Variants in ZNF277 observed in about 807,000 individuals in gnomAD.
The protein encoded by ZNF277 is nuclear receptor-interacting factor 4.
ZNF277 carries 55 observed loss-of-function variants against 60.7 expected under a neutral mutation model. The observed-to-expected ratio is 0.91, with a 90% confidence interval of 0.73 to 1.13. The LOEUF is 1.13. Ranked by LOEUF, ZNF277 falls within the 50% of genes most tolerant of loss-of-function variation. The pLI is 0.00. For synonymous variants in ZNF277, 178 were observed against 179.3 expected, an observed-to-expected ratio of 0.99 and a Z score of 0.06; for missense variants, 510 against 523.0, an observed-to-expected ratio of 0.98 and a Z score of 0.24.
chr7:112,297,190 G>A (rs1388429306), intron 4 of ZNF277, among the ~76,000 whole-genome samples: 1 of 151,660 alleles, frequency 6.6e-6, no homozygotes, highest in Non-Finnish European at 1.5e-5. Flanking sequence ...GTCTCCCAAA[G>A]TGCTGAGATT....
intron 2 of ZNF277, among the ~76,000 whole-genome samples, chr7:112,293,082 T>A (rs1191196427): frequency 6.6e-6 from 1 of 152,212 alleles, no homozygotes; most frequent in Non-Finnish European, 1.5e-5. Context: ...AAACTGAGTT[T>A]CAGAAAGATT....
At position 112,226,869 on chromosome 7, in the gene ZNF277, C is replaced by CT. The variant is rs368892571; in HGVS notation, c.91+20071dup. The stretch of plus-strand genomic sequence containing the variant: ...ATATAGAGGAATTTTTTAGTGAAAG[C>CT]TTTTTTTTTAGACAGCTTCAAAATG... On this transcript the variant is annotated intron_variant, in intron 1 of 11. Coordinates refer to ENST00000361822, the MANE Select transcript of ZNF277 (RefSeq NM_021994.3). 2.7e-4 allele frequency among the ~76,000 whole-genome samples: 40 copies of CT among 150,592 alleles called. 1 individual carries two copies. In the South Asian group the frequency reaches 4.9e-3, roughly 18 times the overall value.
At chr7:112,330,518 A>G (rs1350477013) in intron 7 of ZNF277, 5 of 278,518 alleles carry the variant, frequency 1.8e-5, no homozygotes, top group Non-Finnish European at 3.2e-5. Context: ...TTTATGTAAT[A>G]TCTTTTAACT....
At chr7:112,275,223 T>C (rs1278542347) in intron 1 of ZNF277, among the ~76,000 whole-genome samples, 1 of 152,220 alleles carries the variant, frequency 6.6e-6, no homozygotes, top group East Asian at 1.9e-4. Flanking sequence ...TTCCTATTAG[T>C]ATCTGCCTCT....
chr7:112,307,213 G>A (rs1334119038), intron 4 of ZNF277, among the ~76,000 whole-genome samples: 1 of 151,968 alleles, frequency 6.6e-6, no homozygotes, highest in African/African-American at 2.4e-5. Context: ...GGGGGGAGTT[G>A]GACCCCTTGT....
At chr7:112,283,809 T>C (rs1327033170) in intron 1 of ZNF277, among the ~76,000 whole-genome samples, 1 of 152,194 alleles carries the variant, frequency 6.6e-6, no homozygotes, top group Non-Finnish European at 1.5e-5. Flanking sequence ...TGAACTGTAC[T>C]CTAGTGATTT....
chr7:112,248,680 A>G (rs1398388800), intron 1 of ZNF277, among the ~76,000 whole-genome samples: 1 of 151,926 alleles, frequency 6.6e-6, no homozygotes, highest in East Asian at 1.9e-4. Flanking sequence ...TGATGTTTAT[A>G]TGTGTATATA....
intron 4 of ZNF277, among the ~76,000 whole-genome samples, chr7:112,301,562 A>G (rs956403010): frequency 7.9e-5 from 12 of 152,194 alleles, no homozygotes; most frequent in African/African-American, 2.7e-4. Context: ...TTTATCAAGT[A>G]TGTTAGGTAC....
intron 1 of ZNF277, among the ~76,000 whole-genome samples, chr7:112,247,135 G>A (rs1227252088): frequency 1.3e-5 from 2 of 152,158 alleles, no homozygotes; most frequent in African/African-American, 4.8e-5. Flanking sequence ...AAACAACTTT[G>A]TATCAGTCCA....
chr7:112,245,687 G>C (rs1275147361), intron 1 of ZNF277, among the ~76,000 whole-genome samples: 1 of 152,126 alleles, frequency 6.6e-6, no homozygotes, highest in Non-Finnish European at 1.5e-5. Context: ...AACCTCTGCT[G>C]TCACCTTTAC....
At position 112,209,085 on chromosome 7, in the gene ZNF277, T is replaced by C. The variant is rs148734842; in HGVS notation, c.91+2278T>C. On this transcript the variant is annotated intron_variant, in intron 1 of 11. Transcript: ENST00000361822. ...TATCATAGAAACCCTTCCACGTCAG[T>C]ACATTTGTTTCCTTTTTTTTTAAGG... Among the ~76,000 whole-genome samples, 13 of 152,306 alleles carry C rather than the reference T, an allele frequency of 8.5e-5. No individual in the cohort carries two copies. In the East Asian group the frequency reaches 2.3e-3, roughly 27 times the overall value.
intron 4 of ZNF277, among the ~76,000 whole-genome samples, chr7:112,304,368 T>A (rs1207865976): frequency 6.6e-6 from 1 of 152,168 alleles, no homozygotes; most frequent in African/African-American, 2.4e-5. Context: ...TTCCCAATGC[T>A]GTTCAGTGAC....
At chr7:112,257,257 T>C (rs1791335378) in intron 1 of ZNF277, among the ~76,000 whole-genome samples, 1 of 152,206 alleles carries the variant, frequency 6.6e-6, no homozygotes, top group African/African-American at 2.4e-5. Flanking sequence ...TAAACAAATA[T>C]TTACCCAGCA....
chr7:112,274,730 T>TAA (rs1411261640), intron 1 of ZNF277, among the ~76,000 whole-genome samples: 1 of 152,200 alleles, frequency 6.6e-6, no homozygotes, highest in Non-Finnish European at 1.5e-5. Flanking sequence ...ATTAAAGTAT[T>TAA]AACTAGACTA....
chr7:112,330,009 A>G, intron 6 of ZNF277, 75 bp from the exon 7 acceptor site: 1 of 1,485,686 alleles, frequency 6.7e-7, no homozygotes, highest in Non-Finnish European at 9.0e-7. Context: ...TAAATATGAA[A>G]CTCAATAATA....
At position 112,295,960 on chromosome 7, in the gene ZNF277, A is replaced by T. The variant is rs1354508202; in HGVS notation, c.382+3A>T. ...AATTAATTCCACTGCTCCATTTGGT[A>T]AGTGTACATCTTGGCTACCATCTTT... On this transcript the variant is annotated splice_donor_region_variant and intron_variant, in intron 3 of 11. Transcript: ENST00000361822. The T allele has an allele frequency of 1.9e-6, 3 of 1,601,894 alleles. No individual in the cohort carries two copies. Among genetic ancestry groups the T allele is most frequent in the African/African-American group, 2.7e-5 (2 of 74,680 alleles).
At chr7:112,285,953 A>C (rs967794526) in intron 1 of ZNF277, among the ~76,000 whole-genome samples, 11 of 152,164 alleles carry the variant, frequency 7.2e-5, no homozygotes, top group Admixed American at 6.5e-5. Flanking sequence ...GACTTTCTGC[A>C]AATGCCAGAG....
At chr7:112,329,966 C>A (rs370470378) in intron 6 of ZNF277, 118 bp from the exon 7 acceptor site, 1 of 1,124,440 alleles carries the variant, frequency 8.9e-7, no homozygotes, top group Non-Finnish European at 1.2e-6. Context: ...GATGGTATAT[C>A]CCATTTGAAG....
intron 1 of ZNF277, among the ~76,000 whole-genome samples, chr7:112,262,515 C>T (rs553224560): frequency 5.9e-5 from 9 of 151,836 alleles, no homozygotes; most frequent in East Asian, 1.9e-4. Flanking sequence ...AAAAAGTACA[C>T]GGTTTACATG....
Sources: allele counts gnomAD v4.1 joint callset (sites outside exome capture counted in the v4.1 genomes callset), GRCh38; gene constraint gnomAD v4.1.1; transcripts MANE v1.5; gene names NCBI Gene and HGNC (gene_info 2026-07-23, HGNC 2026-07-21).